RRM2B: variants seen among roughly 807,000 people sequenced by gnomAD.
The protein encoded by RRM2B is ribonucleoside-diphosphate reductase subunit M2 B.
RRM2B carries 20 observed loss-of-function variants against 45.9 expected under a neutral mutation model. The ratio of observed to expected loss-of-function variants is 0.44; its 90% CI spans 0.31 to 0.63. The LOEUF (loss-of-function observed/expected upper bound fraction) is 0.63. Ranked by LOEUF, RRM2B falls within the 30% of genes least tolerant of loss-of-function variation. The pLI, the probability that RRM2B is intolerant of heterozygous loss-of-function variation, is 0.09. For missense variants in RRM2B, 320 were observed against 414.7 expected (o/e 0.77, Z 1.98); for synonymous variants, 124 against 132.3 (o/e 0.94, Z 0.43).
intron 5 of RRM2B, among the ~76,000 whole-genome samples, chr8:102,220,586 G>C (rs1810813366): frequency 6.6e-6 from 1 of 152,124 alleles, no homozygotes; most frequent in Non-Finnish European, 1.5e-5. Flanking sequence ...CTACAGGCGT[G>C]CGTCACCATG....
intron 6 of RRM2B, among the ~76,000 whole-genome samples, chr8:102,218,329 C>T (rs886849631): frequency 6.6e-6 from 1 of 152,132 alleles, no homozygotes; most frequent in East Asian, 1.9e-4. Context: ...GTAAGAGACA[C>T]AGGAGGAAAA....
intron 2 of RRM2B, among the ~76,000 whole-genome samples, chr8:102,228,790 GC>G (rs1810978487): frequency 6.6e-6 from 1 of 152,222 alleles, no homozygotes; most frequent in Non-Finnish European, 1.5e-5. Context: ...CAGCGCCAAA[GC>G]AGCCAGCTAG....
At chr8:102,208,325 T>G (rs1388226561) in intron 8 of RRM2B, 40 bp from the exon 9 acceptor site, 7 of 1,379,956 alleles carry the variant, frequency 5.1e-6, no homozygotes. Flanking sequence ...TCTGAAGAGA[T>G]CAAATTACAT....
intron 1 of RRM2B, among the ~76,000 whole-genome samples, chr8:102,232,554 TTCTGATGATTAA>T (rs1203446854): frequency 1.3e-5 from 2 of 152,222 alleles, no homozygotes; most frequent in East Asian, 3.8e-4. Flanking sequence ...CATAGGTTTA[TTCTGATGATTAA>T]AAGTGCTTTA....
intron 8 of RRM2B, among the ~76,000 whole-genome samples, chr8:102,209,193 A>ATACT (rs1810595343): frequency 6.6e-6 from 1 of 152,174 alleles, no homozygotes; most frequent in Admixed American, 6.6e-5. Flanking sequence ...ATACAGCTTG[A>ATACT]TGGAAACTGT....
rs1810571231 is a variant in RRM2B, at chr8:102,207,882, C to T, written c.*251G>A. The stretch of plus-strand genomic sequence containing the variant: ...GCAGAACCTTAGACTCATGTCTGAC[C>T]CCTCGCCCCATGCTCTTAACCACAT... On this transcript the variant is annotated 3_prime_UTR_variant, in exon 9 of 9. Coordinates refer to ENST00000251810, the MANE Select transcript of RRM2B (RefSeq NM_015713.5). 2 of 415,420 alleles carry T rather than the reference C, an allele frequency of 4.8e-6. No homozygotes were observed. Among genetic ancestry groups the T allele is most frequent in the Admixed American group, 3.9e-5 (1 of 25,712 alleles). The allele number at this position is 415,420 out of a possible 1,614,324, so 25.7% of individuals were successfully genotyped here.
In RRM2B at chr8:102,212,829, G is replaced by A. The variant is rs121918307; in HGVS notation, c.850C>T (p.Gln284Ter). ...CTGTCAGCTACAAACTCAATGTACTGTTTCATCAAAATGCAATTCATTCCA... is the reference window on the plus strand; with the variant it reads ...CTGTCAGCTACAAACTCAATGTACTATTTCATCAAAATGCAATTCATTCCA... The part of the protein sequence containing the change: ...LIGMNCILMK[Q>*]YIEFVADRLL... The change falls in exon 8 of 9, where the codon CAG (glutamine) becomes TAG (stop). Residue 284 changes from glutamine to a stop codon, truncating the protein, a stop_gained. Transcript: ENST00000251810. LOFTEE classifies it high-confidence loss of function. 1 of 1,612,128 alleles carries A rather than the reference G, an allele frequency of 6.2e-7. No individual in the cohort carries two copies. The highest frequency in any genetic ancestry group is 8.5e-7 in the Non-Finnish European group (1 of 1,178,442).
Position 102,225,700 on chromosome 8 carries a change from C to T in RRM2B, c.321+218G>A, listed in dbSNP as rs7841131. Among the ~76,000 whole-genome samples the T allele has an allele frequency of 0.067, 10,156 of 152,248 alleles. 345 individuals are homozygous for T. Among genetic ancestry groups the T allele is most frequent in the Middle Eastern group, 0.14 (41 of 292 alleles). Reference sequence around the variant, plus strand: ...AGTAAAAATCAAACTCATGTTAATGCACTGTAAATAGTTTTGATTCATATC... The same window carrying T: ...AGTAAAAATCAAACTCATGTTAATGTACTGTAAATAGTTTTGATTCATATC... On this transcript the variant is annotated intron_variant, in intron 3 of 8. Transcript: ENST00000251810.
intron 5 of RRM2B, 65 bp from the exon 6 acceptor site, chr8:102,219,012 C>T (rs956002198): frequency 4.5e-5 from 63 of 1,388,202 alleles, no homozygotes; most frequent in Non-Finnish European, 5.5e-5. Flanking sequence ...TATATATATA[C>T]ACATATATAA....
At chr8:102,221,531 C>T (rs1810835513) in intron 5 of RRM2B, among the ~76,000 whole-genome samples, 1 of 152,144 alleles carries the variant, frequency 6.6e-6, no homozygotes, top group Non-Finnish European at 1.5e-5. Flanking sequence ...GCTCCACTCC[C>T]AAAAAGGAGA....
At chr8:102,230,729 G>A (rs1811012778) in intron 2 of RRM2B, among the ~76,000 whole-genome samples, 1 of 152,064 alleles carries the variant, frequency 6.6e-6, no homozygotes, top group South Asian at 2.1e-4. Flanking sequence ...TTCAAACACT[G>A]GTGCCTTCTG....
At chr8:102,224,201 A>G (rs1192851451) in intron 4 of RRM2B, 61 bp from the exon 5 acceptor site, 1 of 1,061,786 alleles carries the variant, frequency 9.4e-7, no homozygotes, top group African/African-American at 1.6e-5. Flanking sequence ...TTTTTTTTTG[A>G]GACAGAGTCT....
intron 2 of RRM2B, among the ~76,000 whole-genome samples, chr8:102,230,056 A>G (rs560350730): frequency 6.6e-6 from 1 of 152,286 alleles, no homozygotes; most frequent in South Asian, 2.1e-4. Flanking sequence ...CAAATTCTCA[A>G]TTTCATCATT....
At chr8:102,237,500 G>A (rs887645284) in intron 1 of RRM2B, among the ~76,000 whole-genome samples, 1 of 152,230 alleles carries the variant, frequency 6.6e-6, no homozygotes, top group African/African-American at 2.4e-5. Flanking sequence ...TGACTCTGAT[G>A]CAGGTCTCCT....
intron 2 of RRM2B, among the ~76,000 whole-genome samples, chr8:102,230,173 C>A (rs1405622720): frequency 6.6e-6 from 1 of 152,164 alleles, no homozygotes; most frequent in Non-Finnish European, 1.5e-5. Flanking sequence ...TTCTGTTGAT[C>A]AGCCATATTT....
intron 6 of RRM2B, 56 bp downstream of exon 6, chr8:102,218,758 T>C: frequency 7.8e-7 from 1 of 1,288,650 alleles, no homozygotes; most frequent in Non-Finnish European, 1.1e-6. Flanking sequence ...AAAAGAAAAA[T>C]AGATGAACAT....
chr8:102,224,876 C>A lies in RRM2B; in HGVS notation c.455+9G>T. ...AAGCAATATTTTGTAAATAAAATCC[C>A]AACAATACCTTTTCTTGGGATCTCT... On this transcript the variant is annotated intron_variant, in intron 4 of 8. Transcript: ENST00000251810. 1.2e-6 allele frequency: 2 copies of A among 1,613,134 alleles called. No individual in the cohort carries two copies. Among genetic ancestry groups the A allele is most frequent in the Non-Finnish European group, 1.7e-6 (2 of 1,179,258 alleles).
intron 6 of RRM2B, among the ~76,000 whole-genome samples, chr8:102,214,766 AAAATAAAT>A (rs28928604): frequency 0.025 from 3,784 of 149,974 alleles, 59 homozygotes; most frequent in Non-Finnish European, 0.038. Context: ...AAAAAAATAA[AAAATAAAT>A]AAATAAATAA....
rs3063793 is a variant in RRM2B, at chr8:102,215,045, TAAAAAAAAAA to T, written c.685-897_685-888del. On this transcript the variant is annotated intron_variant, in intron 6 of 8. Coordinates refer to ENST00000251810, the MANE Select transcript of RRM2B (RefSeq NM_015713.5). ...GAATAGATAGTATAGAGCTAAATAT[TAAAAAAAAAA>T]AAAAAAAAAAAAAGAAAATTTCAAA... 9.7e-5 allele frequency among the ~76,000 whole-genome samples: 6 copies of T among 61,764 alleles called. No individual in the cohort carries two copies. The South Asian group carries it at 2.7e-3, about 28-fold the overall frequency. 40.5% of individuals were successfully genotyped at this position (61,764 alleles called of 152,430 possible). A position where few individuals can be genotyped will look rare whatever the true frequency, so the allele number is the denominator to read the frequency against.
Sources: allele counts gnomAD v4.1 joint callset (sites outside exome capture counted in the v4.1 genomes callset), GRCh38; gene constraint gnomAD v4.1.1; transcripts MANE v1.5; gene names NCBI Gene and HGNC (gene_info 2026-07-23, HGNC 2026-07-21).